The following CDCA7L variants were observed in gnomAD, a reference collection of about 807,000 sequenced individuals.
CDCA7L encodes cell division cycle-associated 7-like protein.
CDCA7L carries 44 observed loss-of-function variants against 57.4 expected under a neutral mutation model. That is an observed-to-expected ratio of 0.77 (90% CI 0.60 to 0.98). The LOEUF is 0.98. Among genes scored for constraint, CDCA7L ranks in the 50% least tolerant of loss-of-function variants. CDCA7L has a pLI of 0.00. For synonymous variants in CDCA7L, 236 were observed against 202.8 expected, an observed-to-expected ratio of 1.16 and a Z score of -1.39; for missense variants, 644 against 580.6, an observed-to-expected ratio of 1.11 and a Z score of -1.12.
At chr7:21,943,633 T>G (rs1253695075) in intron 1 of CDCA7L, among the ~76,000 whole-genome samples, 1 of 152,092 alleles carries the variant, frequency 6.6e-6, no homozygotes, top group Non-Finnish European at 1.5e-5. Context: ...GAGACTATAA[T>G]CTGTGCACAT....
chr7:21,905,403 C>G, intron 7 of CDCA7L, 103 bp downstream of exon 7: 1 of 1,322,270 alleles, frequency 7.6e-7, no homozygotes, highest in Non-Finnish European at 1.0e-6. Context: ...GCTCTGAGCC[C>G]TTGGTGAGAT....
chr7:21,914,292 G>T (rs939614930), intron 2 of CDCA7L, among the ~76,000 whole-genome samples: 1 of 152,162 alleles, frequency 6.6e-6, no homozygotes, highest in East Asian at 1.9e-4. Flanking sequence ...AACAATACAT[G>T]AGGACGAAAA....
chr7:21,911,542 G>A, intron 3 of CDCA7L, 75 bp downstream of exon 3: 1 of 1,487,382 alleles, frequency 6.7e-7, no homozygotes, highest in Non-Finnish European at 9.0e-7. Flanking sequence ...TGAAGTGACT[G>A]CTTACAAGTA....
At chr7:21,916,194 G>T (rs1016457977) in intron 2 of CDCA7L, among the ~76,000 whole-genome samples, 2 of 152,152 alleles carry the variant, frequency 1.3e-5, no homozygotes, top group East Asian at 3.9e-4. Flanking sequence ...CCACTGAAGG[G>T]TAGAGATTTT....
At chr7:21,924,536 A>C (rs555022245) in intron 1 of CDCA7L, among the ~76,000 whole-genome samples, 3 of 152,330 alleles carry the variant, frequency 2.0e-5, no homozygotes, top group East Asian at 3.9e-4. Context: ...CATTTCTTTG[A>C]ATTTTTTACA....
chr7:21,909,813 G>A (rs1785257469), intron 3 of CDCA7L, among the ~76,000 whole-genome samples: 1 of 152,140 alleles, frequency 6.6e-6, no homozygotes, highest in South Asian at 2.1e-4. Flanking sequence ...AAGAACAAAT[G>A]GTACACAGCA....
At chr7:21,921,510 T>C (rs945847982) in intron 1 of CDCA7L, among the ~76,000 whole-genome samples, 2 of 151,872 alleles carry the variant, frequency 1.3e-5, no homozygotes, top group African/African-American at 4.8e-5. Flanking sequence ...AGTGATACAT[T>C]AGGCCCAAGG....
In CDCA7L at chr7:21,902,242, AATCTT is replaced by A. The variant is rs2128054991; in HGVS notation, c.*75_*79del. 2 of 1,224,412 alleles carry A rather than the reference AATCTT, an allele frequency of 1.6e-6. No homozygotes were observed. Among genetic ancestry groups the A allele is most frequent in the Non-Finnish European group, 2.3e-6 (2 of 866,444 alleles). 75.8% of individuals were successfully genotyped at this position (1,224,412 alleles called of 1,614,324 possible). A position where few individuals can be genotyped will look rare whatever the true frequency, so the allele number is the denominator to read the frequency against. On this transcript the variant is annotated 3_prime_UTR_variant, in exon 10 of 10. Transcript: ENST00000406877. ...CTGTATAAAAACACAACTGTAAAAA[AATCTT>A]TCTTAGGCACCAATGGTATGCATGT...
In CDCA7L at chr7:21,911,750, T is replaced by A. The variant is rs1562624859; in HGVS notation, c.170A>T (p.Asp57Val). The A allele has an allele frequency of 1.2e-6, 2 of 1,611,634 alleles. No individual in the cohort carries two copies. Among genetic ancestry groups the A allele is most frequent in the South Asian group, 2.2e-5 (2 of 90,446 alleles). The change falls in exon 3 of 10, where the codon GAT becomes GTT. Residue 57 changes from aspartate (D) to valine (V), a missense_variant. By Grantham distance (152) the Asp-to-Val change is radical. Transcript: ENST00000406877. ...GAAGTATTTGGAATGAAAGCGCACA[T>A]CCTGCTAAATTAAAGACACACATAC... Reference protein sequence around the residue: ...FDSLESGKQQDVRFHSKYFTE... With the variant: ...FDSLESGKQQVVRFHSKYFTE...
Position 21,901,441 on chromosome 7 carries a change from G to A in CDCA7L, c.*881C>T, listed in dbSNP as rs796890968. 3 of 768,850 alleles carry A rather than the reference G, an allele frequency of 3.9e-6. No homozygotes were observed. The African/African-American group carries it at 5.4e-5, about 14-fold the overall frequency. 47.6% of individuals were successfully genotyped at this position (768,850 alleles called of 1,614,324 possible). On this transcript the variant is annotated 3_prime_UTR_variant, in exon 10 of 10. Coordinates refer to ENST00000406877, the MANE Select transcript of CDCA7L (RefSeq NM_018719.5). ...AAACTAACTCAGGGCTGAGCGTGGT[G>A]GCACACGACTGTAATCCCAGTTACT...
At position 21,916,862 on chromosome 7, in the gene CDCA7L, G is replaced by A. The variant is rs567857909; in HGVS notation, c.57C>T (p.Ala19=). 7 of 1,614,010 alleles carry A rather than the reference G, an allele frequency of 4.3e-6. No individual in the cohort carries two copies. The highest frequency in any genetic ancestry group is 1.6e-4 in the Middle Eastern group (1 of 6,062). The change falls in exon 2 of 10, where the codon GCC becomes GCT. Residue 19 remains alanine (A), a synonymous_variant. Transcript: ENST00000406877. ...IPKEVADIFN[A]PSDDEEFVGF... ...CAACAAACTCTTCATCATCACTGGG[G>A]GCGTTAAAGATGTCAGCCACTTCTT...
At chr7:21,928,990 A>G (rs1451003754) in intron 1 of CDCA7L, among the ~76,000 whole-genome samples, 1 of 152,142 alleles carries the variant, frequency 6.6e-6, no homozygotes, top group African/African-American at 2.4e-5. Context: ...GAGCAACCCC[A>G]AGACACATAA....
intron 1 of CDCA7L, among the ~76,000 whole-genome samples, chr7:21,927,585 G>A (rs1562632522): frequency 6.6e-6 from 1 of 152,100 alleles, no homozygotes; most frequent in African/African-American, 2.4e-5. Flanking sequence ...AGAAAACAGA[G>A]AGAAAAAGAG....
intron 1 of CDCA7L, among the ~76,000 whole-genome samples, chr7:21,936,602 C>G (rs1451820296): frequency 6.6e-6 from 1 of 151,756 alleles, no homozygotes; most frequent in Non-Finnish European, 1.5e-5. Flanking sequence ...AGAAAAACAT[C>G]TGACAAAATT....
intron 1 of CDCA7L, among the ~76,000 whole-genome samples, chr7:21,917,833 C>A (rs1411057935): frequency 6.9e-6 from 1 of 145,272 alleles, no homozygotes; most frequent in Non-Finnish European, 1.5e-5. Flanking sequence ...ACATATCTCC[C>A]ACGGATAAGG....
chr7:21,903,854 C>T (rs1323326183), intron 8 of CDCA7L: 37 of 367,084 alleles, frequency 1.0e-4, no homozygotes, highest in Non-Finnish European at 1.7e-4. Context: ...TTGCATAAAA[C>T]TAGAGGACTG....
intron 1 of CDCA7L, among the ~76,000 whole-genome samples, chr7:21,926,891 A>T (rs963207934): frequency 6.6e-6 from 1 of 152,066 alleles, no homozygotes; most frequent in African/African-American, 2.4e-5. Flanking sequence ...TAATAATAAC[A>T]ATAATAATAA....
At chr7:21,933,112 T>C (rs1786065329) in intron 1 of CDCA7L, among the ~76,000 whole-genome samples, 2 of 152,152 alleles carry the variant, frequency 1.3e-5, no homozygotes. Flanking sequence ...TACCATCTCG[T>C]GCCAGTTAGA....
At chr7:21,938,327 C>G (rs1786236134) in intron 1 of CDCA7L, among the ~76,000 whole-genome samples, 1 of 151,744 alleles carries the variant, frequency 6.6e-6, no homozygotes, top group South Asian at 2.1e-4. Flanking sequence ...TGGGGAAATG[C>G]AAAACAAAAC....
Sources: allele counts gnomAD v4.1 joint callset (sites outside exome capture counted in the v4.1 genomes callset), GRCh38; gene constraint gnomAD v4.1.1; transcripts MANE v1.5; gene names NCBI Gene and HGNC (gene_info 2026-07-23, HGNC 2026-07-21).